TECPR2: variants seen among roughly 807,000 people sequenced by gnomAD.
TECPR2 encodes tectonin beta-propeller repeat-containing protein 2.
Under a neutral mutation model 138.1 loss-of-function variants are expected in TECPR2, and 65 were observed. The observed-to-expected ratio is 0.47, with a 90% CI of 0.39 to 0.58. The LOEUF (loss-of-function observed/expected upper bound fraction) is 0.58. Ranked by LOEUF, TECPR2 falls within the 20% of genes least tolerant of loss-of-function variation. The pLI, the probability that TECPR2 is intolerant of heterozygous loss-of-function variation, is 0.00. For synonymous variants in TECPR2, 746 were observed against 749.8 expected (o/e 0.99, Z 0.08); for missense variants, 1,553 against 1,824.5 (o/e 0.85, Z 2.71).
chr14:102,409,379 A>G (rs1341464330), intron 4 of TECPR2, among the ~76,000 whole-genome samples: 1 of 151,364 alleles, frequency 6.6e-6, no homozygotes, highest in African/African-American at 2.4e-5. Context: ...GGCTTGTGAC[A>G]ACCTCCATAT....
chr14:102,370,687 G>A (rs1307976941), intron 1 of TECPR2, among the ~76,000 whole-genome samples: 1 of 152,226 alleles, frequency 6.6e-6, no homozygotes, highest in African/African-American at 2.4e-5. Flanking sequence ...TGTTAAGCAA[G>A]GGAGTGATGA....
At chr14:102,455,843 C>T (rs1263483871) in intron 16 of TECPR2, among the ~76,000 whole-genome samples, 2 of 152,220 alleles carry the variant, frequency 1.3e-5, no homozygotes, top group African/African-American at 4.8e-5. Flanking sequence ...GAACTCCTGA[C>T]CTCAGGTGGT....
In TECPR2 at chr14:102,443,696, C is replaced by T. The variant is rs1304111478; in HGVS notation, c.2802C>T (p.Pro934=). Residue 934 remains proline, a synonymous_variant, in exon 12 of 20, where the codon CCC becomes CCT. Coordinates refer to ENST00000359520, the MANE Select transcript of TECPR2 (RefSeq NM_014844.5). This position sits in a 1 kb window ranked among gnomAD's most constrained non-coding sequence, Gnocchi z 4.9. ...CCAGAGCCGTAAAGGTGGACTGTCC[C>T]TACCCGCTGTCCCAGATCACAGCCC... The part of the protein sequence containing the change: ...PCARAVKVDC[P]YPLSQITARN... The T allele has an allele frequency of 6.2e-7, 1 of 1,612,224 alleles. No individual in the cohort carries two copies. The highest frequency in any genetic ancestry group is 1.7e-5 in the Admixed American group (1 of 59,970).
chr14:102,362,951 C>T lies in TECPR2; in HGVS notation c.-238C>T, dbSNP rs1474142508. 2 of 1,489,184 alleles carry T rather than the reference C, an allele frequency of 1.3e-6. No homozygotes were observed. Among genetic ancestry groups the T allele is most frequent in the South Asian group, 1.2e-5 (1 of 84,756 alleles). The allele number at this position is 1,489,184 out of a possible 1,614,324, so 92.2% of individuals were successfully genotyped here. A position where few individuals can be genotyped will look rare whatever the true frequency, so the allele number is the denominator to read the frequency against. On this transcript the variant is annotated 5_prime_UTR_variant, in exon 1 of 20. Transcript: ENST00000359520. ...GCCCCGCCCGCTGCCACTTGTGGCT[C>T]TGCCGCTCTAGCCCCCGGCGGAGCC...
chr14:102,408,717 C>A (rs2139694915), intron 4 of TECPR2, 98 bp downstream of exon 4: 2 of 1,251,576 alleles, frequency 1.6e-6, no homozygotes, highest in South Asian at 1.6e-5. Flanking sequence ...TATTCTTGAT[C>A]ATCATCCCTT....
chr14:102,406,481 G>A (rs974032099), intron 2 of TECPR2, among the ~76,000 whole-genome samples: 11 of 152,086 alleles, frequency 7.2e-5, no homozygotes, highest in African/African-American at 2.4e-4. Context: ...AGGAGGTGGA[G>A]GTTGCAGTGA....
intron 1 of TECPR2, among the ~76,000 whole-genome samples, chr14:102,363,985 C>T (rs1225092048): frequency 6.6e-6 from 1 of 152,176 alleles, no homozygotes; most frequent in Non-Finnish European, 1.5e-5. Flanking sequence ...ATTTCTCTTC[C>T]CTGCACTTTT....
intron 18 of TECPR2, 175 bp from the exon 19 acceptor site, chr14:102,497,395 C>A: frequency 9.6e-7 from 1 of 1,040,022 alleles, no homozygotes; most frequent in Non-Finnish European, 1.3e-6. Flanking sequence ...GCTTTGCTGG[C>A]CCTGCCAACT....
intron 16 of TECPR2, among the ~76,000 whole-genome samples, chr14:102,461,468 T>C (rs1890408764): frequency 6.6e-6 from 1 of 152,208 alleles, no homozygotes; most frequent in South Asian, 2.1e-4. Context: ...GAAATAATCC[T>C]AAAGGGAAAA....
intron 4 of TECPR2, 104 bp downstream of exon 4, chr14:102,408,723 C>A: frequency 8.3e-7 from 1 of 1,209,730 alleles, no homozygotes; most frequent in Non-Finnish European, 1.1e-6. Context: ...TGATCATCAT[C>A]CCTTTATAAT....
intron 5 of TECPR2, among the ~76,000 whole-genome samples, chr14:102,423,658 A>T (rs139136601): frequency 2.6e-5 from 4 of 152,240 alleles, no homozygotes; most frequent in African/African-American, 9.6e-5. Flanking sequence ...TATGATGTTC[A>T]CACAACGAAG....
In TECPR2 at chr14:102,435,205, A is replaced by G. The variant is rs766613606; in HGVS notation, c.2388A>G (p.Pro796=). The part of the protein sequence containing the change: ...LGAEDAGLLK[P]DQFAESWMGY... ...CAGAGGACGCCGGGCTGCTCAAGCCAGATCAGGTATGTGGGTTCGGGTGGT... is the reference window on the plus strand; with the variant it reads ...CAGAGGACGCCGGGCTGCTCAAGCCGGATCAGGTATGTGGGTTCGGGTGGT... The change falls in exon 9 of 20, where the codon CCA becomes CCG. Residue 796 remains proline (P), a synonymous_variant. Transcript: ENST00000359520. 1.2e-6 allele frequency: 2 copies of G among 1,604,012 alleles called. No individual in the cohort carries two copies. The highest frequency in any genetic ancestry group is 1.7e-5 in the Admixed American group (1 of 59,822).
intron 7 of TECPR2, 30 bp downstream of exon 7, chr14:102,428,412 A>T (rs200788663): frequency 6.2e-7 from 1 of 1,606,668 alleles, no homozygotes; most frequent in East Asian, 2.2e-5. Context: ...TGTACCATGT[A>T]TATGATGGGA....
chr14:102,467,675 C>T (rs1418079775), intron 17 of TECPR2, among the ~76,000 whole-genome samples: 1 of 152,028 alleles, frequency 6.6e-6, no homozygotes, highest in East Asian at 1.9e-4. Flanking sequence ...GAAACTGCCT[C>T]ATATGTCTAA....
intron 2 of TECPR2, among the ~76,000 whole-genome samples, chr14:102,388,917 C>T (rs186400603): frequency 0.049 from 6,786 of 138,294 alleles, 458 homozygotes; most frequent in African/African-American, 0.16. Flanking sequence ...GCCGAGATTG[C>T]GCCACTGCAC....
chr14:102,431,589 G>A (rs563015498), intron 7 of TECPR2, among the ~76,000 whole-genome samples: 119 of 152,164 alleles, frequency 7.8e-4, no homozygotes, highest in East Asian at 3.5e-3. Context: ...TGATCCGCCC[G>A]CCTTGGCCTC....
At chr14:102,409,500 T>C (rs1346306239) in intron 4 of TECPR2, among the ~76,000 whole-genome samples, 6 of 152,158 alleles carry the variant, frequency 3.9e-5, no homozygotes, top group Non-Finnish European at 4.4e-5. Context: ...AGTTTTACCA[T>C]GTTGGTCAGG....
At chr14:102,372,096 G>A (rs923789107) in intron 1 of TECPR2, among the ~76,000 whole-genome samples, 1 of 151,798 alleles carries the variant, frequency 6.6e-6, no homozygotes, top group East Asian at 1.9e-4. Flanking sequence ...GCGATTCTCT[G>A]TGTACCACCA....
intron 17 of TECPR2, among the ~76,000 whole-genome samples, chr14:102,482,970 A>G (rs1343341775): frequency 6.8e-6 from 1 of 147,456 alleles, no homozygotes; most frequent in East Asian, 2.0e-4. Flanking sequence ...CAGCCTCCCG[A>G]GTAGCTGGGA....
Sources: allele counts gnomAD v4.1 joint callset (sites outside exome capture counted in the v4.1 genomes callset), GRCh38; gene constraint gnomAD v4.1.1; non-coding constraint Gnocchi (gnomAD v3.1); transcripts MANE v1.5; gene names NCBI Gene and HGNC (gene_info 2026-07-23, HGNC 2026-07-21).